The following UBE3C variants were observed in gnomAD, a reference collection of about 807,000 sequenced individuals.
UBE3C encodes the protein ubiquitin protein ligase E3C, also known as ubiquitin-protein ligase E3C.
Under a neutral mutation model 129.4 loss-of-function variants are expected in UBE3C, and 42 were observed. The observed-to-expected ratio is 0.32, with a 90% confidence interval of 0.25 to 0.42. The LOEUF is 0.42. Ranked by LOEUF, UBE3C falls within the 10% of genes least tolerant of loss-of-function variation. The pLI is 1.00. For synonymous variants in UBE3C, 510 were observed against 492.4 expected, an observed-to-expected ratio of 1.04 and a Z score of -0.47; for missense variants, 1,049 against 1,319.1, an observed-to-expected ratio of 0.80 and a Z score of 3.17.
intron 17 of UBE3C, among the ~76,000 whole-genome samples, chr7:157,229,064 C>T (rs1053088280): frequency 2.6e-5 from 4 of 152,170 alleles, no homozygotes; most frequent in Non-Finnish European, 4.4e-5. Context: ...AGGGCAGCAG[C>T]GCATGGGGCC....
intron 3 of UBE3C, among the ~76,000 whole-genome samples, chr7:157,169,793 G>T (rs1808316328): frequency 6.6e-6 from 1 of 152,134 alleles, no homozygotes; most frequent in Admixed American, 6.5e-5. Flanking sequence ...CTATTCTCCT[G>T]CCCCAGCCTC....
At position 157,142,379 on chromosome 7, in the gene UBE3C, C is replaced by T. The variant is rs143689426; in HGVS notation, c.66+3041C>T. ...ATAGATCTGTGTACGACAAGTCTGA[C>T]TTGAAGAAGTTGATAATCTTGTTGG... is the stretch of plus-strand genomic sequence containing the variant. On this transcript the variant is annotated intron_variant, in intron 1 of 22. Transcript: ENST00000348165. 7.2e-4 allele frequency among the ~76,000 whole-genome samples: 109 copies of T among 152,198 alleles called. 1 individual carries two copies. The East Asian group carries it at 0.013, about 18-fold the overall frequency.
At chr7:157,235,055 G>T (rs1200529111) in intron 18 of UBE3C, among the ~76,000 whole-genome samples, 2 of 152,124 alleles carry the variant, frequency 1.3e-5, no homozygotes, top group African/African-American at 4.8e-5. Context: ...GCTGGGCGTG[G>T]TGGTGCATGC....
At position 157,231,029 on chromosome 7, in the gene UBE3C, T is replaced by C. The variant is rs749075687; in HGVS notation, c.2234-51T>C. On this transcript the variant is annotated intron_variant, in intron 17 of 22. Coordinates refer to ENST00000348165, the MANE Select transcript of UBE3C (RefSeq NM_014671.3). ...CTTCCTGTAAGGCTAGTTGATGTTA[T>C]TGCTTGCTTGTAACATCTTTCCTCC... 19 of 1,600,152 alleles carry C rather than the reference T, an allele frequency of 1.2e-5. No homozygotes were observed. The African/African-American group carries it at 1.9e-4, about 16-fold the overall frequency.
At chr7:157,245,992 CAA>C (rs56270719) in intron 18 of UBE3C, among the ~76,000 whole-genome samples, 2,111 of 85,538 alleles carry the variant, frequency 0.025, 31 homozygotes, top group African/African-American at 0.082. Context: ...GACTCCGTCT[CAA>C]AAAAAAAAAA....
At chr7:157,150,667 ATACT>A (rs1807733060) in intron 1 of UBE3C, among the ~76,000 whole-genome samples, 1 of 152,262 alleles carries the variant, frequency 6.6e-6, no homozygotes, top group Admixed American at 6.5e-5. Flanking sequence ...ATTTATTAAC[ATACT>A]TGTATTTATG....
intron 18 of UBE3C, among the ~76,000 whole-genome samples, chr7:157,241,531 G>A (rs958617059): frequency 2.0e-5 from 3 of 152,226 alleles, no homozygotes; most frequent in African/African-American, 7.2e-5. Flanking sequence ...GCACACCCGC[G>A]AGTACGGCGG....
At chr7:157,242,116 G>A (rs77306274) in intron 18 of UBE3C, among the ~76,000 whole-genome samples, 2,423 of 152,302 alleles carry the variant, frequency 0.016, 28 homozygotes, top group Middle Eastern at 0.061. Flanking sequence ...ACCTTTGAAT[G>A]TAAGTTATGT....
intron 16 of UBE3C, among the ~76,000 whole-genome samples, chr7:157,224,020 T>G (rs73507531): frequency 0.049 from 7,443 of 152,092 alleles, 405 homozygotes; most frequent in African/African-American, 0.13. Context: ...GATGTTTTTT[T>G]TTTTCTGAGA....
intron 1 of UBE3C, 81 bp downstream of exon 1, chr7:157,139,419 G>C (rs1807362803): frequency 1.5e-6 from 2 of 1,352,014 alleles, no homozygotes; most frequent in South Asian, 3.1e-5. Context: ...GGCTGGACTC[G>C]GGGCTGGACT....
chr7:157,197,510 T>G (rs999297383), intron 10 of UBE3C: 4 of 73,452 alleles, frequency 5.4e-5, no homozygotes, highest in Admixed American at 2.2e-4. Context: ...AAATAATTTG[T>G]TTTTTTTTTT....
rs1295742288 is a variant in UBE3C, at chr7:157,140,037, G to C, written c.66+699G>C. The C allele has an allele frequency of 5.1e-6, 5 of 985,382 alleles. No individual in the cohort carries two copies. The South Asian group carries it at 1.9e-4, about 37-fold the overall frequency. 61.0% of individuals were successfully genotyped at this position (985,382 alleles called of 1,614,324 possible). On this transcript the variant is annotated intron_variant, in intron 1 of 22. Coordinates refer to ENST00000348165, the MANE Select transcript of UBE3C (RefSeq NM_014671.3). ...TCGCATGGTAATTGTTTAGGATAAG[G>C]GTAGGCAAACCATGACGCCTCTGTT...
At chr7:157,208,853 C>A (rs1285563306) in intron 13 of UBE3C, among the ~76,000 whole-genome samples, 1 of 152,162 alleles carries the variant, frequency 6.6e-6, no homozygotes, top group Non-Finnish European at 1.5e-5. Flanking sequence ...GCAAACACAT[C>A]TAGTCAGCTA....
chr7:157,168,536 G>A (rs1198239713), intron 2 of UBE3C, among the ~76,000 whole-genome samples: 2 of 152,168 alleles, frequency 1.3e-5, no homozygotes, highest in African/African-American at 2.4e-5. Flanking sequence ...AGTGGGAGCA[G>A]CCCAGATGTC....
intron 1 of UBE3C, among the ~76,000 whole-genome samples, chr7:157,146,940 C>G (rs146936406): frequency 6.6e-6 from 1 of 152,186 alleles, no homozygotes; most frequent in Non-Finnish European, 1.5e-5. Context: ...AGTGAGACAC[C>G]GCGCCCAACC....
intron 10 of UBE3C, among the ~76,000 whole-genome samples, chr7:157,196,254 C>T (rs541646063): frequency 1.2e-4 from 19 of 152,284 alleles, no homozygotes; most frequent in Middle Eastern, 3.4e-3. Flanking sequence ...AAAAGCACCG[C>T]GAAACCCGTT....
At chr7:157,256,095 G>T (rs953627390) in intron 21 of UBE3C, among the ~76,000 whole-genome samples, 25 of 152,016 alleles carry the variant, frequency 1.6e-4, no homozygotes, top group African/African-American at 5.8e-4. Flanking sequence ...CTTGGTGCCT[G>T]CATTCATCTT....
intron 10 of UBE3C, 111 bp downstream of exon 10, chr7:157,187,132 A>T: frequency 1.6e-6 from 2 of 1,254,546 alleles, no homozygotes; most frequent in East Asian, 5.1e-5. Flanking sequence ...GTAGAGATTG[A>T]TGTAGGATAT....
chr7:157,240,932 G>T (rs767561037), intron 18 of UBE3C, among the ~76,000 whole-genome samples: 3 of 152,216 alleles, frequency 2.0e-5, no homozygotes, highest in Non-Finnish European at 2.9e-5. Flanking sequence ...ACCAGAGTGT[G>T]TTGGACTCTC....
Sources: gnomAD v4.1 joint callset for allele counts (sites outside exome capture counted in the v4.1 genomes callset) on GRCh38, gnomAD v4.1.1 for gene constraint, MANE v1.5 for transcripts, NCBI Gene and HGNC (gene_info 2026-07-23, HGNC 2026-07-21) for gene names.